QTGAL: variants seen among roughly 807,000 people sequenced by gnomAD.
The protein encoded by QTGAL is queuosine-tRNA galactosyltransferase.
At chr17:82,950,351 T>C in the QTGAL span, among the ~76,000 whole-genome samples, 2 of 152,142 alleles carry the variant, frequency 1.3e-5, no homozygotes, top group Admixed American at 6.5e-5. Flanking sequence ...CGATAACAGT[T>C]TGACATATTG....
chr17:83,011,389 T>A, the QTGAL span: 15 of 152,268 alleles, frequency 9.9e-5, no homozygotes, highest in Admixed American at 4.6e-4. Flanking sequence ...CCTAATTAGC[T>A]GGTTTCTTGT....
chr17:82,995,779 A>T, the QTGAL span, among the ~76,000 whole-genome samples: 1 of 152,242 alleles, frequency 6.6e-6, no homozygotes, highest in Non-Finnish European at 1.5e-5. Context: ...TAAAATATCT[A>T]GGAATTAACT....
the QTGAL span, among the ~76,000 whole-genome samples, chr17:82,998,933 C>A: frequency 6.7e-6 from 1 of 149,044 alleles, no homozygotes; most frequent in Non-Finnish European, 1.5e-5. Context: ...CCACGAGATA[C>A]CACTACATAC....
At chr17:83,005,664 C>T in the QTGAL span, 61 of 704,398 alleles carry the variant, frequency 8.7e-5, no homozygotes, top group Middle Eastern at 8.9e-4. The surrounding 1 kb of genome is among the most constrained non-coding windows in gnomAD (Gnocchi z 5.6). Flanking sequence ...CTCAGGAAAG[C>T]AGCGTCCCTA....
the QTGAL span, chr17:83,051,664 G>A: frequency 7.5e-7 from 1 of 1,339,266 alleles, no homozygotes; most frequent in Non-Finnish European, 9.8e-7. Flanking sequence ...GAGCGAGAGA[G>A]GACTGGAGGG....
the QTGAL span, among the ~76,000 whole-genome samples, chr17:83,012,944 A>G: frequency 6.6e-6 from 1 of 151,216 alleles, no homozygotes; most frequent in African/African-American, 2.4e-5. Context: ...ACAAGCAGAC[A>G]CTCTCGGACG....
the QTGAL span, among the ~76,000 whole-genome samples, chr17:82,972,975 G>A: frequency 3.9e-5 from 6 of 152,320 alleles, no homozygotes; most frequent in East Asian, 1.2e-3. Flanking sequence ...GGAAGGGGCT[G>A]GAGAGTTCTG....
the QTGAL span, among the ~76,000 whole-genome samples, chr17:82,951,399 A>G: frequency 1.3e-5 from 2 of 152,302 alleles, no homozygotes; most frequent in Admixed American, 6.5e-5. Flanking sequence ...GCTTCCTCAC[A>G]TCATTCAGCC....
the QTGAL span, among the ~76,000 whole-genome samples, chr17:82,969,134 G>GA: frequency 0.27 from 37,909 of 141,318 alleles, 5,119 homozygotes; most frequent in East Asian, 0.31. Flanking sequence ...TCCATTTCAG[G>GA]AAAAAAAAAA....
the QTGAL span, among the ~76,000 whole-genome samples, chr17:82,970,682 A>ACC: frequency 6.8e-6 from 1 of 146,912 alleles, no homozygotes; most frequent in African/African-American, 2.5e-5. Context: ...CGTGGCCGTG[A>ACC]TGCGAGGCCT....
At chr17:82,951,268 T>C in the QTGAL span, among the ~76,000 whole-genome samples, 1 of 152,204 alleles carries the variant, frequency 6.6e-6, no homozygotes, top group Non-Finnish European at 1.5e-5. Context: ...CCACCTCCAT[T>C]GTGACCGTAG....
chr17:82,970,654 CG>C, the QTGAL span, among the ~76,000 whole-genome samples: 6 of 138,308 alleles, frequency 4.3e-5, 2 homozygotes, highest in East Asian at 8.8e-4. Context: ...CCGGTGTGGC[CG>C]CGACCTCCGC....
the QTGAL span, among the ~76,000 whole-genome samples, chr17:82,955,055 T>C: frequency 2.6e-5 from 4 of 152,314 alleles, no homozygotes; most frequent in African/African-American, 9.6e-5. Context: ...ATTCAGGACA[T>C]AGGCATGGGC....
the QTGAL span, among the ~76,000 whole-genome samples, chr17:83,038,857 TCAA>T: frequency 1.4e-5 from 2 of 141,584 alleles, no homozygotes; most frequent in African/African-American, 2.5e-5. Flanking sequence ...AGACTCCATC[TCAA>T]CAACAACAAA....
chr17:82,975,723 G>A, the QTGAL span, among the ~76,000 whole-genome samples: 6 of 69,466 alleles, frequency 8.6e-5, no homozygotes, highest in Non-Finnish European at 1.3e-4. Context: ...TCAGGGCCCC[G>A]GGACAGAGCC....
the QTGAL span, among the ~76,000 whole-genome samples, chr17:82,989,661 A>C: frequency 7.9e-5 from 12 of 152,238 alleles, no homozygotes; most frequent in South Asian, 2.1e-4. Context: ...AATGCTTACA[A>C]AGTCAACATT....
chr17:82,979,577 A>G, the QTGAL span, among the ~76,000 whole-genome samples: 12 of 152,370 alleles, frequency 7.9e-5, no homozygotes, highest in African/African-American at 2.6e-4. Context: ...CAGGACTTGT[A>G]CACTAAAAAC....
chr17:82,984,601 A>C, the QTGAL span, among the ~76,000 whole-genome samples: 2 of 144,394 alleles, frequency 1.4e-5, no homozygotes, highest in African/African-American at 2.6e-5. Flanking sequence ...CGTGCAGGGA[A>C]AGGGTGCCAT....
the QTGAL span, among the ~76,000 whole-genome samples, chr17:83,014,129 A>C: frequency 9.2e-5 from 14 of 152,240 alleles, no homozygotes; most frequent in African/African-American, 3.4e-4. Context: ...TAAATAAGAA[A>C]AACGTTTAAC....
Sources: gnomAD v4.1 joint callset for allele counts (sites outside exome capture counted in the v4.1 genomes callset) on GRCh38, gnomAD v4.1.1 for gene constraint, Gnocchi (gnomAD v3.1) non-coding constraint, MANE v1.5 for transcripts, NCBI Gene and HGNC (gene_info 2026-07-23, HGNC 2026-07-21) for gene names.